The following MATN2 variants were observed in gnomAD, a reference collection of about 807,000 sequenced individuals.
MATN2 encodes matrilin-2.
In MATN2, 69 loss-of-function variants were observed where a neutral mutation model predicts 103.2. The observed-to-expected ratio is 0.67, with a 90% CI of 0.55 to 0.82. MATN2 has a LOEUF of 0.82. Ranked by LOEUF, MATN2 falls within the 40% of genes least tolerant of loss-of-function variation. The pLI is 0.00. For synonymous variants in MATN2, 429 were observed against 450.2 expected, an observed-to-expected ratio of 0.95 and a Z score of 0.60; for missense variants, 1,023 against 1,211.5, an observed-to-expected ratio of 0.84 and a Z score of 2.31.
At position 98,018,041 on chromosome 8, in the gene MATN2, G is replaced by A. The variant is rs1270204309; in HGVS notation, c.1744G>A (p.Val582Met). 1.9e-6 allele frequency: 3 copies of A among 1,613,824 alleles called. No homozygotes were observed. The highest frequency in any genetic ancestry group is 2.5e-6 in the Non-Finnish European group (3 of 1,179,822). The change falls in exon 12 of 19, where the codon GTG becomes ATG. Residue 582 changes from valine to methionine, a missense_variant. Physicochemically the swap from Val to Met is conservative, Grantham distance 21 (BLOSUM62 1). Transcript: ENST00000254898. ...AGACCATGGCTGTGAACACATTTGTGTGAACAGTGATGACTCATACACGTG... is the reference window on the plus strand; with the variant it reads ...AGACCATGGCTGTGAACACATTTGTATGAACAGTGATGACTCATACACGTG... ...AIDHGCEHIC[V>M]NSDDSYTCEC...
intron 7 of MATN2, among the ~76,000 whole-genome samples, chr8:98,002,363 A>G (rs1158864674): frequency 2.0e-5 from 3 of 152,224 alleles, no homozygotes; most frequent in Non-Finnish European, 4.4e-5. Flanking sequence ...AAGGCGAAGC[A>G]TTTAGATCCT....
At chr8:97,980,016 A>G (rs936735346) in intron 6 of MATN2, among the ~76,000 whole-genome samples, 3 of 152,198 alleles carry the variant, frequency 2.0e-5, no homozygotes, top group Admixed American at 1.3e-4. Flanking sequence ...TTAGGTCAAA[A>G]GCATACATTT....
At chr8:97,880,603 C>T (rs1023884749) in intron 1 of MATN2, among the ~76,000 whole-genome samples, 9 of 152,220 alleles carry the variant, frequency 5.9e-5, no homozygotes, top group African/African-American at 2.2e-4. Context: ...ATGCTTCCCC[C>T]TGCACAGATC....
chr8:97,878,025 C>A (rs983335143), intron 1 of MATN2, among the ~76,000 whole-genome samples: 11 of 151,492 alleles, frequency 7.3e-5, no homozygotes, highest in African/African-American at 2.7e-4. Flanking sequence ...AAAAACAAAA[C>A]CGATGTTAGA....
At chr8:98,003,500 C>G (rs954075154) in intron 7 of MATN2, 161 bp from the exon 8 acceptor site, 1 of 701,948 alleles carries the variant, frequency 1.4e-6, no homozygotes, top group Non-Finnish European at 2.4e-6. Context: ...AGGCCTGGCA[C>G]TTGGCTGGCA....
In MATN2 at chr8:97,965,568, A is replaced by T. The variant is rs547191534; in HGVS notation, c.958+4038A>T. On this transcript the variant is annotated intron_variant, in intron 5 of 18. Transcript: ENST00000254898. ...GTGACTCTAGGCCAGGTACCGTGGC[A>T]CATGTCTATAATCCTAGTACTTTGG... is the stretch of plus-strand genomic sequence containing the variant. Among the ~76,000 whole-genome samples, 74 of 152,298 alleles carry T rather than the reference A, an allele frequency of 4.9e-4. 1 individual carries two copies. The South Asian group carries it at 0.015, about 30-fold the overall frequency.
intron 1 of MATN2, among the ~76,000 whole-genome samples, chr8:97,877,006 CTT>C (rs33986645): frequency 0.056 from 6,552 of 117,108 alleles, 445 homozygotes; most frequent in African/African-American, 0.18. Context: ...ATTCACACTT[CTT>C]TTTTTTTTTT....
At chr8:97,872,716 C>T (rs1817937219) in intron 1 of MATN2, among the ~76,000 whole-genome samples, 1 of 152,138 alleles carries the variant, frequency 6.6e-6, no homozygotes, top group Admixed American at 6.6e-5. Flanking sequence ...TCGTGTCTCC[C>T]TCTTACAAAA....
intron 16 of MATN2, 60 bp from the exon 17 acceptor site, chr8:98,032,982 G>A (rs959813462): frequency 1.9e-5 from 29 of 1,526,882 alleles, no homozygotes; most frequent in Non-Finnish European, 2.5e-5. Flanking sequence ...CTCTGCTGAT[G>A]GCTGTTTTAT....
At position 98,030,458 on chromosome 8, in the gene MATN2, C is replaced by T. The variant is rs1211724955; in HGVS notation, c.2357-4C>T. 3.7e-6 allele frequency: 6 copies of T among 1,611,412 alleles called. No homozygotes were observed. The highest frequency in any genetic ancestry group is 5.1e-6 in the Non-Finnish European group (6 of 1,178,872). On this transcript the variant is annotated splice_region_variant and splice_polypyrimidine_tract_variant and intron_variant, in intron 14 of 18. Coordinates refer to ENST00000254898, the MANE Select transcript of MATN2 (RefSeq NM_002380.5). ...ACTTGCTCTTAATTTTTCCTGCACCCTAGGTATCACTATGTATGCTGTTGG... is the reference window on the plus strand; with the variant it reads ...ACTTGCTCTTAATTTTTCCTGCACCTTAGGTATCACTATGTATGCTGTTGG...
rs189958676 is a variant in MATN2, at chr8:98,030,631, C to T, written c.2509+17C>T. 89 of 1,603,576 alleles carry T rather than the reference C, an allele frequency of 5.6e-5. No individual in the cohort carries two copies. Among genetic ancestry groups the T allele is most frequent in the East Asian group, 5.4e-4 (24 of 44,750 alleles). ...TCTGTGAAGGTACTATAGCTTACGC[C>T]GAAGACCTTAGCAAACAAGGCAGCA... On this transcript the variant is annotated intron_variant, in intron 15 of 18. Transcript: ENST00000254898.
intron 2 of MATN2, among the ~76,000 whole-genome samples, chr8:97,895,972 G>A (rs73698343): frequency 0.032 from 4,932 of 152,164 alleles, 280 homozygotes; most frequent in African/African-American, 0.11. Flanking sequence ...AAAGACACGC[G>A]TACTCTTGAA....
chr8:97,875,578 C>G (rs943089718), intron 1 of MATN2, among the ~76,000 whole-genome samples: 1 of 152,080 alleles, frequency 6.6e-6, no homozygotes, highest in Non-Finnish European at 1.5e-5. Context: ...TCGTCTTCCC[C>G]TAAGGCAACT....
chr8:97,963,532 C>A (rs1391406739), intron 5 of MATN2, among the ~76,000 whole-genome samples: 1 of 152,164 alleles, frequency 6.6e-6, no homozygotes, highest in Non-Finnish European at 1.5e-5. Context: ...GAGGATTTTG[C>A]TGTAACTTTT....
chr8:97,874,541 A>G (rs1374380844), intron 1 of MATN2, among the ~76,000 whole-genome samples: 1 of 151,630 alleles, frequency 6.6e-6, no homozygotes, highest in East Asian at 1.9e-4. Context: ...AGTAGCTGGG[A>G]CTACAAGGAT....
intron 11 of MATN2, 97 bp from the exon 12 acceptor site, chr8:98,017,897 A>T: frequency 2.2e-6 from 3 of 1,390,352 alleles, no homozygotes; most frequent in Non-Finnish European, 3.0e-6. Flanking sequence ...TGGCAGATAG[A>T]ATCCAGTAGC....
rs1814127075 is a variant in MATN2 at position 98,033,663 on chromosome 8, T to A, written c.2815+4T>A. 1 of 1,563,180 alleles carries A rather than the reference T, an allele frequency of 6.4e-7. No homozygotes were observed. Among genetic ancestry groups the A allele is most frequent in the East Asian group, 2.3e-5 (1 of 44,302 alleles). ...GTAAGAAAATTAACACAGCGCTATA[T>A]CCTTTTCTTGCATTATGCTTCTGTA... On this transcript the variant is annotated splice_donor_region_variant and intron_variant, in intron 18 of 18. Transcript: ENST00000254898.
At chr8:97,900,116 A>G (rs148727236) in intron 2 of MATN2, among the ~76,000 whole-genome samples, 2 of 152,342 alleles carry the variant, frequency 1.3e-5, no homozygotes, top group African/African-American at 4.8e-5. Flanking sequence ...TAGAACGACT[A>G]ACTCAGTCCT....
At chr8:98,008,982 AC>A (rs1280964183) in intron 10 of MATN2, among the ~76,000 whole-genome samples, 1 of 152,128 alleles carries the variant, frequency 6.6e-6, no homozygotes, top group East Asian at 1.9e-4. Flanking sequence ...CTGGATTTTG[AC>A]CTGACCACTT....
Sources: gnomAD v4.1 joint callset for allele counts (sites outside exome capture counted in the v4.1 genomes callset) on GRCh38, gnomAD v4.1.1 for gene constraint, MANE v1.5 for transcripts, NCBI Gene and HGNC (gene_info 2026-07-23, HGNC 2026-07-21) for gene names.